Variants in DYRK2 observed in about 807,000 individuals in gnomAD.
The protein encoded by DYRK2 is dual specificity tyrosine-phosphorylation-regulated kinase 2.
A neutral mutation model predicts 41.6 loss-of-function variants in DYRK2; 12 were observed. That is an observed-to-expected ratio of 0.29 (90% CI 0.18 to 0.47). The LOEUF is 0.47. Ranked by LOEUF, DYRK2 falls within the 20% of genes least tolerant of loss-of-function variation. The probability of loss-of-function intolerance (pLI) is 1.00; values close to 1 mark genes in which losing one functional copy is unlikely to be tolerated. For synonymous variants in DYRK2, 322 were observed against 315.7 expected (o/e 1.02, Z -0.21); for missense variants, 678 against 798.4 (o/e 0.85, Z 1.82).
At position 67,648,824 on chromosome 12, in the gene DYRK2, G is replaced by A; in HGVS notation, c.-310G>A. The A allele has an allele frequency of 4.9e-6, 1 of 204,840 alleles. No individual in the cohort carries two copies. Among genetic ancestry groups the A allele is most frequent in the Non-Finnish European group, 9.7e-6 (1 of 103,464 alleles). The allele number at this position is 204,840 out of a possible 1,614,324, so 12.7% of individuals were successfully genotyped here. A position where few individuals can be genotyped will look rare whatever the true frequency, so the allele number is the denominator to read the frequency against. On this transcript the variant is annotated 5_prime_UTR_variant, in exon 1 of 3. It removes the in-frame stop codon of an upstream open reading frame in the 5' UTR. Transcript: ENST00000344096. The stretch of plus-strand genomic sequence containing the variant: ...CTTCCAGCTCCCCGCGCCCCTATGT[G>A]AGGGAGACGGGGAGGCCCGCGGCGC...
chr12:67,653,321 T>C (rs1195587027), intron 2 of DYRK2, among the ~76,000 whole-genome samples: 1 of 152,176 alleles, frequency 6.6e-6, no homozygotes, highest in Non-Finnish European at 1.5e-5. Flanking sequence ...CCCACCCTGC[T>C]CTCTGCCCCA....
chr12:67,655,446 A>G (rs1196457129), intron 2 of DYRK2, among the ~76,000 whole-genome samples: 1 of 152,224 alleles, frequency 6.6e-6, no homozygotes, highest in Non-Finnish European at 1.5e-5. Flanking sequence ...ATATATGCCC[A>G]AGACTTGCCT....
At position 67,648,788 on chromosome 12, in the gene DYRK2, T is replaced by A. The variant is rs1163457017; in HGVS notation, c.-346T>A. 1 of 156,470 alleles carries A rather than the reference T, an allele frequency of 6.4e-6. No individual in the cohort carries two copies. The highest frequency in any genetic ancestry group is 1.4e-5 in the Non-Finnish European group (1 of 73,412). 9.7% of individuals were successfully genotyped at this position (156,470 alleles called of 1,614,324 possible). ...GGCTCCCGAGCCAGGCGGTCTTCGG[T>A]CCTCGCAGCGCTTCCAGCTCCCCGC... On this transcript the variant is annotated 5_prime_UTR_variant, in exon 1 of 3. Coordinates refer to ENST00000344096, the MANE Select transcript of DYRK2 (RefSeq NM_006482.3).
rs541608530 is a variant in DYRK2, at chr12:67,664,324, T to A, written c.*5611T>A. 6.6e-6 allele frequency: 1 copy of A among 152,248 alleles called. No homozygotes were observed. Among genetic ancestry groups the A allele is most frequent in the African/African-American group, 2.4e-5 (1 of 41,576 alleles). 9.4% of individuals were successfully genotyped at this position (152,248 alleles called of 1,614,324 possible). On this transcript the variant is annotated 3_prime_UTR_variant, in exon 3 of 3. Coordinates refer to ENST00000344096, the MANE Select transcript of DYRK2 (RefSeq NM_006482.3). ...CAAGGAAGCTTAATGAGGAAACTAA[T>A]GAGTTAATATTAACTCTTCTGAAGA...
intron 1 of DYRK2, 125 bp downstream of exon 1, chr12:67,649,307 C>T: frequency 1.4e-6 from 1 of 735,570 alleles, no homozygotes; most frequent in Non-Finnish European, 1.8e-6. Flanking sequence ...CGGGGGAGCC[C>T]CCGGGCGGAC....
At chr12:67,650,477 T>G (rs564015249) in intron 2 of DYRK2, among the ~76,000 whole-genome samples, 54 of 152,266 alleles carry the variant, frequency 3.5e-4, no homozygotes, top group African/African-American at 1.3e-3. Flanking sequence ...TGCTACAGGT[T>G]TGAGCACAGC....
At chr12:67,649,614 C>A in intron 1 of DYRK2, 183 bp from the exon 2 acceptor site, 1 of 698,616 alleles carries the variant, frequency 1.4e-6, no homozygotes, top group Non-Finnish European at 2.0e-6. Context: ...TGCAGCTGCC[C>A]GCGCCCCGCC....
In DYRK2 at chr12:67,649,909, T is replaced by C; in HGVS notation, c.162T>C (p.Pro54=). 7.2e-7 allele frequency: 1 copy of C among 1,381,228 alleles called. No homozygotes were observed. Among genetic ancestry groups the C allele is most frequent in the Admixed American group, 3.4e-5 (1 of 29,560 alleles). 85.6% of individuals were successfully genotyped at this position (1,381,228 alleles called of 1,614,324 possible). A position where few individuals can be genotyped will look rare whatever the true frequency, so the allele number is the denominator to read the frequency against. Residue 54 remains proline (P), a synonymous_variant, in exon 2 of 3, where the codon CCT becomes CCC. Coordinates refer to ENST00000344096, the MANE Select transcript of DYRK2 (RefSeq NM_006482.3). ...TGPPSPIALP[P]LRASNAAAAA... Reference sequence around the variant, plus strand: ...CGCCCTCCCCCATCGCCCTGCCGCCTCTCCGGGCCAGCAACGCTGCCGCCG... The same window carrying C: ...CGCCCTCCCCCATCGCCCTGCCGCCCCTCCGGGCCAGCAACGCTGCCGCCG...
At chr12:67,649,394 C>G (rs906267037) in intron 1 of DYRK2, among the ~76,000 whole-genome samples, 1 of 151,704 alleles carries the variant, frequency 6.6e-6, no homozygotes, top group Non-Finnish European at 1.5e-5. Flanking sequence ...CCCGAAGAGG[C>G]TTCTGCCTGC....
In DYRK2 at chr12:67,657,498, G is replaced by T. The variant is rs1261476547; in HGVS notation, c.591G>T (p.Gly197=). Residue 197 remains glycine, a synonymous_variant, in exon 3 of 3, where the codon GGG becomes GGT. Coordinates refer to ENST00000344096, the MANE Select transcript of DYRK2 (RefSeq NM_006482.3). This position sits in a 1 kb window ranked among gnomAD's most constrained non-coding sequence, Gnocchi z 4.8. ...AGAAGCGCCAGGGCATGACAGGTGG[G>T]CCCAACAATGGTGGCTATGATGATG... ...NAKKRQGMTG[G]PNNGGYDDDQ... 1.2e-6 allele frequency: 2 copies of T among 1,614,020 alleles called. No individual in the cohort carries two copies. Among genetic ancestry groups the T allele is most frequent in the African/African-American group, 1.3e-5 (1 of 75,022 alleles).
rs772110790 is a variant in DYRK2, at chr12:67,658,470, A to G, written c.1563A>G (p.Ala521=). The G allele has an allele frequency of 5.0e-6, 8 of 1,601,548 alleles. No individual in the cohort carries two copies. In the African/African-American group the frequency reaches 1.1e-4, roughly 22 times the overall value. ...FLKQCLEWDP[A]VRMTPGQALR... ...AACAGTGTTTAGAGTGGGATCCTGC[A>G]GTGCGCATGACCCCAGGCCAGGCTT... Residue 521 remains alanine, a synonymous_variant, in exon 3 of 3, where the codon GCA becomes GCG. Coordinates refer to ENST00000344096, the MANE Select transcript of DYRK2 (RefSeq NM_006482.3). The surrounding 1 kb of genome is among the most constrained non-coding windows in gnomAD (Gnocchi z 4.3).
chr12:67,652,820 T>TTTTTG (rs553089408), intron 2 of DYRK2: 3 of 152,134 alleles, frequency 2.0e-5, no homozygotes, highest in Admixed American at 6.5e-5. Flanking sequence ...ATGTTTTTAT[T>TTTTTG]TTTTGTTTTG....
intron 2 of DYRK2, among the ~76,000 whole-genome samples, chr12:67,652,140 A>G (rs1025249257): frequency 1.3e-5 from 2 of 152,194 alleles, no homozygotes; most frequent in South Asian, 4.1e-4. Flanking sequence ...AGGCAGGTTA[A>G]ATATATGATT....
At position 67,649,060 on chromosome 12, in the gene DYRK2, G is replaced by A. The variant is rs1872220975; in HGVS notation, c.-74G>A. 7.6e-7 allele frequency: 1 copy of A among 1,317,014 alleles called. No homozygotes were observed. The highest frequency in any genetic ancestry group is 1.0e-6 in the Non-Finnish European group (1 of 1,004,216). The allele number at this position is 1,317,014 out of a possible 1,614,324, so 81.6% of individuals were successfully genotyped here. On this transcript the variant is annotated 5_prime_UTR_variant, in exon 1 of 3. Coordinates refer to ENST00000344096, the MANE Select transcript of DYRK2 (RefSeq NM_006482.3). ...GAGGGGCGGCCGGGAGGCGGCGGCG[G>A]CGGCCGCCAGAAGTAGCAGCAGGAC...
chr12:67,663,808 A>G lies in DYRK2; in HGVS notation c.*5095A>G, dbSNP rs1166030869. The G allele has an allele frequency of 1.3e-5, 2 of 152,152 alleles. No individual in the cohort carries two copies. Among genetic ancestry groups the G allele is most frequent in the Non-Finnish European group, 2.9e-5 (2 of 68,004 alleles). 9.4% of individuals were successfully genotyped at this position (152,152 alleles called of 1,614,324 possible). On this transcript the variant is annotated 3_prime_UTR_variant, in exon 3 of 3. Coordinates refer to ENST00000344096, the MANE Select transcript of DYRK2 (RefSeq NM_006482.3). ...GCTTTTTAAAATTGATCAATGTGCA[A>G]TTCTGTTTGAGTCTCTACAGTCCTA...
Position 67,665,395 on chromosome 12 carries a change from T to A in DYRK2, c.*6682T>A, listed in dbSNP as rs1187507253. On this transcript the variant is annotated 3_prime_UTR_variant, in exon 3 of 3. Transcript: ENST00000344096. The stretch of plus-strand genomic sequence containing the variant: ...TTTATGTGGACCAGCAGCAAATAAA[T>A]GTATGAGTACATTTGGGCGAATTTG... 6.6e-6 allele frequency: 1 copy of A among 152,218 alleles called. No individual in the cohort carries two copies. The highest frequency in any genetic ancestry group is 1.5e-5 in the Non-Finnish European group (1 of 68,034). The allele number at this position is 152,218 out of a possible 1,614,324, so 9.4% of individuals were successfully genotyped here. A position where few individuals can be genotyped will look rare whatever the true frequency, so the allele number is the denominator to read the frequency against.
chr12:67,652,962 T>C (rs1307843139), intron 2 of DYRK2, among the ~76,000 whole-genome samples: 1 of 152,166 alleles, frequency 6.6e-6, no homozygotes, highest in Non-Finnish European at 1.5e-5. Context: ...CCCAAGTAGC[T>C]GGGATTACAG....
intron 2 of DYRK2, among the ~76,000 whole-genome samples, chr12:67,651,071 G>C (rs1483973680): frequency 6.6e-6 from 1 of 152,156 alleles, no homozygotes; most frequent in East Asian, 1.9e-4. Context: ...AAAATGTTTT[G>C]TTGCTGTTAC....
chr12:67,649,193 C>A lies in DYRK2; in HGVS notation c.49+11C>A. ...CCGCCTACCCGACCGGTAAGGAGGC[C>A]GTGCCGCCGCGCCGCATCCCCGGAC... On this transcript the variant is annotated intron_variant, in intron 1 of 2. Coordinates refer to ENST00000344096, the MANE Select transcript of DYRK2 (RefSeq NM_006482.3). The A allele has an allele frequency of 6.7e-7, 1 of 1,493,716 alleles. No individual in the cohort carries two copies. The highest frequency in any genetic ancestry group is 1.5e-5 in the African/African-American group (1 of 68,876). 92.5% of individuals were successfully genotyped at this position (1,493,716 alleles called of 1,614,324 possible). A position where few individuals can be genotyped will look rare whatever the true frequency, so the allele number is the denominator to read the frequency against.
Sources: allele counts gnomAD v4.1 joint callset (sites outside exome capture counted in the v4.1 genomes callset), GRCh38; gene constraint gnomAD v4.1.1; non-coding constraint Gnocchi (gnomAD v3.1); transcripts MANE v1.5; gene names NCBI Gene and HGNC (gene_info 2026-07-23, HGNC 2026-07-21).